FLT3: variants seen among roughly 807,000 people sequenced by gnomAD.
FLT3 encodes fms related receptor tyrosine kinase 3, also known as receptor-type tyrosine-protein kinase FLT3.
FLT3 carries 46 observed loss-of-function variants against 126.6 expected under a neutral mutation model. That is an observed-to-expected ratio of 0.36 (90% CI 0.29 to 0.46). The LOEUF is 0.46. FLT3 is among the 20% of genes least tolerant of loss of function. The pLI is 1.00. For missense variants in FLT3, 1,069 were observed against 1,190.3 expected, an observed-to-expected ratio of 0.90 and a Z score of 1.50; for synonymous variants, 404 against 434.4, an observed-to-expected ratio of 0.93 and a Z score of 0.87.
chr13:28,062,559 A>G (rs1185566946), intron 2 of FLT3, among the ~76,000 whole-genome samples: 1 of 152,036 alleles, frequency 6.6e-6, no homozygotes, highest in African/African-American at 2.4e-5. Flanking sequence ...CCTGGCCAAC[A>G]TGGTGAAACC....
chr13:28,004,937 C>T (rs1188539142), intron 23 of FLT3, among the ~76,000 whole-genome samples: 1 of 152,148 alleles, frequency 6.6e-6, no homozygotes, highest in Admixed American at 6.5e-5. Flanking sequence ...TGGAGTTTCA[C>T]GACTTTTAAA....
At chr13:28,080,443 C>G (rs981496108) in intron 1 of FLT3, among the ~76,000 whole-genome samples, 6 of 152,150 alleles carry the variant, frequency 3.9e-5, no homozygotes, top group Admixed American at 6.5e-5. Context: ...AAAAAATATC[C>G]AAACTATATC....
At chr13:28,092,664 T>C (rs550395386) in intron 1 of FLT3, among the ~76,000 whole-genome samples, 1 of 152,246 alleles carries the variant, frequency 6.6e-6, no homozygotes, top group Admixed American at 6.5e-5. Context: ...ATAGTTCTGT[T>C]GGCCCCATAT....
At chr13:28,057,902 T>C (rs1206273134) in intron 3 of FLT3, among the ~76,000 whole-genome samples, 2 of 151,218 alleles carry the variant, frequency 1.3e-5, no homozygotes, top group Non-Finnish European at 2.9e-5. Flanking sequence ...TAGCTGAGAA[T>C]GGCGCAGGCG....
intron 19 of FLT3, 45 bp from the exon 20 acceptor site, chr13:28,018,634 A>T (rs2137624828): frequency 6.2e-7 from 1 of 1,600,080 alleles, no homozygotes; most frequent in Non-Finnish European, 8.5e-7. Context: ...GATGTGTATT[A>T]TCCTGGAGTG....
chr13:28,085,050 T>C (rs1232976366), intron 1 of FLT3, among the ~76,000 whole-genome samples: 1 of 150,954 alleles, frequency 6.6e-6, no homozygotes, highest in African/African-American at 2.4e-5. Context: ...AGTGTGCACC[T>C]GAAAAGATGT....
intron 1 of FLT3, among the ~76,000 whole-genome samples, chr13:28,085,962 A>T (rs908058410): frequency 5.3e-5 from 8 of 152,152 alleles, no homozygotes; most frequent in Admixed American, 3.9e-4. Context: ...AAAAAATTAC[A>T]TTAAAAAAAT....
intron 9 of FLT3, among the ~76,000 whole-genome samples, chr13:28,037,747 G>C (rs1158627795): frequency 6.6e-6 from 1 of 152,114 alleles, no homozygotes; most frequent in Non-Finnish European, 1.5e-5. Context: ...ACTGTCCATG[G>C]CCTATTAGGA....
At chr13:28,024,683 G>A (rs879760719) in intron 18 of FLT3, among the ~76,000 whole-genome samples, 178 bp downstream of exon 18, 12 of 152,196 alleles carry the variant, frequency 7.9e-5, no homozygotes, top group Non-Finnish European at 1.8e-4. Flanking sequence ...AGTCCTCAGT[G>A]TTTATTAGTT....
chr13:28,024,940 C>T lies in FLT3; in HGVS notation c.2211G>A (p.Met737Ile), dbSNP rs148592477. The T allele has an allele frequency of 6.2e-7, 1 of 1,602,724 alleles. No individual in the cohort carries two copies. The highest frequency in any genetic ancestry group is 8.5e-7 in the Non-Finnish European group (1 of 1,174,748). Reference sequence around the variant, plus strand: ...GTATCTGAACTTCTCTTGAACCAGGCATGCTATTAAAAAATTTTGTTTTTT... The same window carrying T: ...GTATCTGAACTTCTCTTGAACCAGGTATGCTATTAAAAAATTTTGTTTTTT... ...PTFQSHPNSS[M>I]PGSREVQIHP... The change falls in exon 18 of 24, where the codon ATG becomes ATA. Residue 737 changes from methionine to isoleucine, a missense_variant. Met to Ile is a conservative substitution (Grantham distance 10). Transcript: ENST00000241453.
At chr13:28,057,523 T>G in intron 3 of FLT3, 61 bp from the exon 4 acceptor site, 1 of 836,138 alleles carries the variant, frequency 1.2e-6, no homozygotes, top group Non-Finnish European at 2.1e-6. Flanking sequence ...AAACAAAATT[T>G]CATAGTGACT....
chr13:28,056,043 G>T (rs1402784788), intron 4 of FLT3, among the ~76,000 whole-genome samples: 2 of 152,132 alleles, frequency 1.3e-5, no homozygotes, highest in Admixed American at 1.3e-4. Context: ...TTTAGCTCAT[G>T]TATACCTTAC....
intron 9 of FLT3, among the ~76,000 whole-genome samples, chr13:28,037,961 C>A (rs1593245818): frequency 2.6e-5 from 4 of 152,168 alleles, no homozygotes; most frequent in Admixed American, 2.6e-4. Context: ...CATCCCCCTA[C>A]CCCCAATCTA....
intron 23 of FLT3, among the ~76,000 whole-genome samples, chr13:28,010,746 C>A (rs1343880040): frequency 6.6e-6 from 1 of 152,174 alleles, no homozygotes; most frequent in African/African-American, 2.4e-5. Context: ...GTGGCTCATG[C>A]CTGTAATCCC....
In FLT3 at chr13:28,087,709, T is replaced by G. The variant is rs893244882; in HGVS notation, c.43+12759A>C. Among the ~76,000 whole-genome samples the G allele has an allele frequency of 3.9e-5, 6 of 152,146 alleles. 1 individual carries two copies. The highest frequency in any genetic ancestry group is 5.9e-5 in the Non-Finnish European group (4 of 68,028). ...GTACCTCCCTAATTCTCTGTTTACG[T>G]TATTTGGTCTTTTTTGCTCTGTTCA... On this transcript the variant is annotated intron_variant, in intron 1 of 23. Coordinates refer to ENST00000241453, the MANE Select transcript of FLT3 (RefSeq NM_004119.3).
chr13:28,048,233 A>C, intron 9 of FLT3, 42 bp downstream of exon 9: 9 of 1,518,476 alleles, frequency 5.9e-6, no homozygotes, highest in Non-Finnish European at 8.1e-6. Context: ...AGCAAGGAGA[A>C]TTATGCTAAA....
chr13:28,020,660 C>T (rs953692835), intron 19 of FLT3, among the ~76,000 whole-genome samples: 4 of 152,036 alleles, frequency 2.6e-5, no homozygotes, highest in Admixed American at 6.6e-5. Context: ...GTGTCATCTT[C>T]GACTTGCATG....
At chr13:28,079,581 T>C (rs1294071282) in intron 1 of FLT3, among the ~76,000 whole-genome samples, 1 of 152,186 alleles carries the variant, frequency 6.6e-6, no homozygotes, top group African/African-American at 2.4e-5. Context: ...AGGGGTTTAA[T>C]TGGGCTTACA....
intron 1 of FLT3, among the ~76,000 whole-genome samples, chr13:28,098,020 G>A (rs1879575839): frequency 1.3e-5 from 2 of 152,026 alleles, no homozygotes; most frequent in Admixed American, 6.6e-5. Flanking sequence ...ATGATGAATA[G>A]AAGTCTGGGC....
Sources: gnomAD v4.1 joint callset for allele counts (sites outside exome capture counted in the v4.1 genomes callset) on GRCh38, gnomAD v4.1.1 for gene constraint, MANE v1.5 for transcripts, NCBI Gene and HGNC (gene_info 2026-07-23, HGNC 2026-07-21) for gene names.